Variants in DCC observed in about 807,000 individuals in gnomAD.
The protein encoded by DCC is netrin receptor DCC.
In DCC, 58 loss-of-function variants were observed where a neutral mutation model predicts 172.5. The observed-to-expected ratio is 0.34, with a 90% CI of 0.27 to 0.42. The LOEUF is 0.42. DCC is among the 10% of genes least tolerant of loss of function. DCC has a pLI of 1.00. For synonymous variants in DCC, 709 were observed against 644.5 expected, an observed-to-expected ratio of 1.10 and a Z score of -1.52; for missense variants, 1,740 against 1,791.0, an observed-to-expected ratio of 0.97 and a Z score of 0.51.
intron 2 of DCC, among the ~76,000 whole-genome samples, chr18:52,753,369 G>A (rs988082385): frequency 1.3e-5 from 2 of 152,130 alleles, no homozygotes; most frequent in Non-Finnish European, 2.9e-5. Flanking sequence ...GCTGCGTAAA[G>A]TTATGAGATT....
chr18:52,528,888 C>T (rs1158415665), intron 1 of DCC, among the ~76,000 whole-genome samples: 1 of 152,076 alleles, frequency 6.6e-6, no homozygotes, highest in Non-Finnish European at 1.5e-5. Flanking sequence ...AGTTAGGCCA[C>T]CAGTTATCAT....
At chr18:52,985,216 G>A (rs1410711727) in intron 5 of DCC, among the ~76,000 whole-genome samples, 1 of 151,856 alleles carries the variant, frequency 6.6e-6, no homozygotes, top group Admixed American at 6.6e-5. Context: ...CCATGCTTGG[G>A]TTTCCTTTTT....
intron 7 of DCC, among the ~76,000 whole-genome samples, chr18:53,133,276 A>G (rs1292718603): frequency 6.6e-6 from 1 of 152,188 alleles, no homozygotes; most frequent in East Asian, 1.9e-4. Flanking sequence ...GCTGCTCCAG[A>G]TATAAAACTG....
chr18:52,394,987 C>A (rs1044665593), intron 1 of DCC, among the ~76,000 whole-genome samples: 4 of 151,864 alleles, frequency 2.6e-5, no homozygotes, highest in Admixed American at 2.6e-4. Flanking sequence ...ACACAGCCTG[C>A]GGGTAAGTCA....
chr18:52,372,251 G>A lies in DCC; in HGVS notation c.91+31373G>A, dbSNP rs150836545. On this transcript the variant is annotated intron_variant, in intron 1 of 28. Transcript: ENST00000442544. ...TAACCTCTGCATAATACTAGACCCC[G>A]TGTAGCTGTAGTGCTGAAGAAACCC... Among the ~76,000 whole-genome samples the A allele has an allele frequency of 7.7e-4, 118 of 152,296 alleles. 1 individual carries two copies. The highest frequency in any genetic ancestry group is 2.6e-3 in the African/African-American group (107 of 41,558).
At chr18:53,358,603 C>T (rs560496177) in intron 15 of DCC, among the ~76,000 whole-genome samples, 1 of 144,248 alleles carries the variant, frequency 6.9e-6, no homozygotes, top group Non-Finnish European at 1.5e-5. Context: ...TCACTGCAAC[C>T]TCTGCCTTCC....
intron 8 of DCC, among the ~76,000 whole-genome samples, chr18:53,175,470 T>G (rs2055077398): frequency 6.6e-6 from 1 of 151,838 alleles, no homozygotes; most frequent in Admixed American, 6.6e-5. Context: ...ATAAGCAACT[T>G]CAGCAAAGTC....
chr18:52,548,491 G>T (rs1365412518), intron 1 of DCC, among the ~76,000 whole-genome samples: 1 of 152,014 alleles, frequency 6.6e-6, no homozygotes, highest in African/African-American at 2.4e-5. Flanking sequence ...ATCTCAAGTA[G>T]GCAACAAGCG....
At chr18:53,057,308 T>C (rs568201614) in intron 5 of DCC, among the ~76,000 whole-genome samples, 5 of 152,136 alleles carry the variant, frequency 3.3e-5, no homozygotes, top group South Asian at 2.1e-4. Flanking sequence ...TAAAGAAAAC[T>C]TTTACCCAAA....
chr18:53,460,279 T>TTG (rs1417026621), intron 24 of DCC, among the ~76,000 whole-genome samples: 7 of 95,892 alleles, frequency 7.3e-5, no homozygotes, highest in African/African-American at 3.5e-4. Flanking sequence ...CTCCTGTTTT[T>TTG]TTTTTTTTTT....
chr18:52,661,252 A>G (rs556330207), intron 1 of DCC, among the ~76,000 whole-genome samples: 1 of 152,344 alleles, frequency 6.6e-6, no homozygotes, highest in South Asian at 2.1e-4. Flanking sequence ...AGAATAAGAC[A>G]GAAAACAGGT....
intron 8 of DCC, among the ~76,000 whole-genome samples, chr18:53,163,018 C>T (rs1311840339): frequency 6.6e-6 from 1 of 152,218 alleles, no homozygotes; most frequent in East Asian, 1.9e-4. Context: ...TCCTCCAACT[C>T]AGAATTCATC....
chr18:53,482,417 ATTTC>A (rs912436039), intron 25 of DCC, among the ~76,000 whole-genome samples: 5 of 152,030 alleles, frequency 3.3e-5, no homozygotes, highest in African/African-American at 1.2e-4. Flanking sequence ...AGAAAGTAAA[ATTTC>A]TTTCTTCAGT....
At chr18:52,638,744 A>G (rs928116722) in intron 1 of DCC, among the ~76,000 whole-genome samples, 17 of 152,148 alleles carry the variant, frequency 1.1e-4, no homozygotes, top group African/African-American at 3.9e-4. Context: ...ATAGACAGCA[A>G]CACAGTAATA....
At chr18:53,038,924 A>G (rs4074254) in intron 5 of DCC, among the ~76,000 whole-genome samples, 4,979 of 151,990 alleles carry the variant, frequency 0.033, 280 homozygotes, top group African/African-American at 0.11. Context: ...CAAACATGTA[A>G]GGGAAGGACA....
intron 12 of DCC, among the ~76,000 whole-genome samples, chr18:53,280,607 G>A (rs1029855031): frequency 1.3e-5 from 2 of 151,904 alleles, no homozygotes; most frequent in African/African-American, 2.4e-5. Context: ...CAGCACGGAA[G>A]CTTTCTCTGT....
chr18:52,907,241 C>CATATATACGTGATATGTCATGG (rs2039897573), intron 3 of DCC, among the ~76,000 whole-genome samples: 3 of 102,656 alleles, frequency 2.9e-5, no homozygotes, highest in Admixed American at 1.1e-4. Flanking sequence ...TGATAGATAT[C>CATATATACGTGATATGTCATGG]ATATATACAT....
chr18:53,493,383 G>GTCT (rs2045981284), intron 26 of DCC, among the ~76,000 whole-genome samples: 1 of 152,196 alleles, frequency 6.6e-6, no homozygotes, highest in South Asian at 2.1e-4. Context: ...TAGTGAGAGA[G>GTCT]AGGGCATCCT....
At chr18:53,349,751 A>G (rs2057767469) in intron 15 of DCC, among the ~76,000 whole-genome samples, 1 of 152,202 alleles carries the variant, frequency 6.6e-6, no homozygotes, top group Non-Finnish European at 1.5e-5. Flanking sequence ...CATGAGACTC[A>G]TTCACTATCA....
Sources: gnomAD v4.1 joint callset for allele counts (sites outside exome capture counted in the v4.1 genomes callset) on GRCh38, gnomAD v4.1.1 for gene constraint, MANE v1.5 for transcripts, NCBI Gene and HGNC (gene_info 2026-07-23, HGNC 2026-07-21) for gene names.